The following SACS variants were observed in gnomAD, a reference collection of about 807,000 sequenced individuals.
SACS encodes the protein sacsin.
Under a neutral mutation model 348.0 loss-of-function variants are expected in SACS, and 197 were observed. That is an observed-to-expected ratio of 0.57 (90% CI 0.50 to 0.64). The LOEUF (loss-of-function observed/expected upper bound fraction) is 0.64. Ranked by LOEUF, SACS falls within the 30% of genes least tolerant of loss-of-function variation. The probability of loss-of-function intolerance (pLI) is 0.00; values close to 1 mark genes in which losing one functional copy is unlikely to be tolerated. For synonymous variants in SACS, 1,985 were observed against 1,910.6 expected (o/e 1.04, Z -1.02); for missense variants, 4,999 against 5,360.8 (o/e 0.93, Z 2.11).
chr13:23,415,195 C>A (rs1873650370), intron 1 of SACS, among the ~76,000 whole-genome samples: 1 of 152,020 alleles, frequency 6.6e-6, no homozygotes, highest in African/African-American at 2.4e-5. Flanking sequence ...CTATGCCTGG[C>A]TAATTTTTGT....
At chr13:23,379,560 A>G (rs983555208) in intron 2 of SACS, among the ~76,000 whole-genome samples, 7 of 151,618 alleles carry the variant, frequency 4.6e-5, no homozygotes, top group African/African-American at 1.5e-4. Flanking sequence ...CTTCACCTCA[A>G]CCTCACCTCC....
At chr13:23,409,040 C>CTTTTTTTTTTTTATTTTTTTTTTTTT (rs1873360689) in intron 2 of SACS, among the ~76,000 whole-genome samples, 1 of 35,122 alleles carries the variant, frequency 2.8e-5, no homozygotes, top group Non-Finnish European at 4.9e-5. Flanking sequence ...ACAAGTTTTA[C>CTTTTTTTTTTTTATTTTTTTTTTTTT]TTTTTTTTTT....
Position 23,411,443 on chromosome 13 carries a change from C to CT in SACS, c.-205dup. 1 of 613,206 alleles carries CT rather than the reference C, an allele frequency of 1.6e-6. No individual in the cohort carries two copies. Among genetic ancestry groups the CT allele is most frequent in the South Asian group, 2.0e-5 (1 of 50,012 alleles). The allele number at this position is 613,206 out of a possible 1,614,324, so 38.0% of individuals were successfully genotyped here. On this transcript the variant is annotated 5_prime_UTR_variant, in exon 2 of 10. Transcript: ENST00000382292. ...ATTGTCGTGTGTTGCATTTGTATTC[C>CT]TTAAAGTATGACTCTCCAGTCTGAT... is the stretch of plus-strand genomic sequence containing the variant.
chr13:23,381,248 TGCTCATCA>T (rs1872040766), intron 2 of SACS, among the ~76,000 whole-genome samples: 1 of 152,082 alleles, frequency 6.6e-6, no homozygotes, highest in Admixed American at 6.6e-5. Context: ...TCATGCGCAG[TGCTCATCA>T]GGGCCCAGTG....
At chr13:23,405,640 T>A (rs1873172443) in intron 2 of SACS, among the ~76,000 whole-genome samples, 1 of 151,314 alleles carries the variant, frequency 6.6e-6, no homozygotes, top group South Asian at 2.1e-4. Flanking sequence ...TTGCAATCTA[T>A]CCATCTGACA....
chr13:23,394,605 G>A (rs1291244313), intron 2 of SACS, among the ~76,000 whole-genome samples: 1 of 152,222 alleles, frequency 6.6e-6, no homozygotes, highest in Non-Finnish European at 1.5e-5. Context: ...TATAATCCCA[G>A]CACTTTGGGA....
rs1868717595 is a variant in SACS, at chr13:23,337,293, T to C, written c.6583A>G (p.Lys2195Glu). 1 of 1,613,694 alleles carries C rather than the reference T, an allele frequency of 6.2e-7. No homozygotes were observed. Among genetic ancestry groups the C allele is most frequent in the South Asian group, 1.1e-5 (1 of 91,078 alleles). The change falls in exon 10 of 10, where the codon AAA becomes GAA. Residue 2195 changes from lysine (K) to glutamate (E), a missense_variant. By Grantham distance (56) the Lys-to-Glu change is moderately conservative. This residue lies in a region of SACS where 3,156 missense variants were observed against 3,380.1 expected (regional missense o/e 0.93). Coordinates refer to ENST00000382292, the MANE Select transcript of SACS (RefSeq NM_014363.6). ...SSILLSLIDE[K>E]LKIRDPRAKD... is the part of the protein sequence containing the mutation. ...GCTCTAGGATCCCTTATTTTTAGTT[T>C]CTCATCGATAAGACTCAATAAGATA... is the stretch of plus-strand genomic sequence containing the variant.
Position 23,368,469 on chromosome 13 carries a change from G to A in SACS, c.278C>T (p.Thr93Met), listed in dbSNP as rs777286357. 1.6e-5 allele frequency: 25 copies of A among 1,612,546 alleles called. No individual in the cohort carries two copies. Among genetic ancestry groups the A allele is most frequent in the South Asian group, 1.3e-4 (12 of 90,756 alleles). Reference protein sequence around the residue: ...LKGGGRFGQTTPPLVDFLKDI... With the variant: ...LKGGGRFGQTMPPLVDFLKDI... ...CTTGAGAAAATCAACAAGTGGTGGC[G>A]TTGTCTGACCAAATCGACCTAAAAT... The change falls in exon 5 of 10, where the codon ACG becomes ATG. Residue 93 changes from threonine to methionine, a missense_variant. Physicochemically the swap from Thr to Met is moderately conservative, Grantham distance 81. Around this residue, in one of 6 missense-constraint regions of SACS, gnomAD observed 3,156 missense variants for 3,380.1 expected, o/e 0.93. Transcript: ENST00000382292.
At chr13:23,407,208 A>T (rs979666016) in intron 2 of SACS, among the ~76,000 whole-genome samples, 9 of 151,920 alleles carry the variant, frequency 5.9e-5, no homozygotes, top group Non-Finnish European at 1.2e-4. Context: ...TTATTTATTT[A>T]TTTTTTTCAA....
In SACS at chr13:23,407,961, G is replaced by A. The variant is rs141869501; in HGVS notation, c.20+3259C>T. On this transcript the variant is annotated intron_variant, in intron 2 of 9. Coordinates refer to ENST00000382292, the MANE Select transcript of SACS (RefSeq NM_014363.6). ...TTCCCCCTTAGTAATTTTCCATGCA[G>A]TGACCCCTCACACTGCACATTGGCT... is the stretch of plus-strand genomic sequence containing the variant. Among the ~76,000 whole-genome samples, 512 of 152,226 alleles carry A rather than the reference G, an allele frequency of 3.4e-3. 7 individuals are homozygous for A. Among genetic ancestry groups the A allele is most frequent in the African/African-American group, 0.012 (491 of 41,534 alleles).
chr13:23,337,609 C>T lies in SACS; in HGVS notation c.6267G>A (p.Ser2089=), dbSNP rs9550956. The part of the protein sequence containing the change: ...FVLNEKVDEF[S]GVLRVTPCIP... Reference sequence around the variant, plus strand: ...TACATGGAGTAACACGAAGAACTCCCGAGAACTCATCAACTTTTTCATTTA... The same window carrying T: ...TACATGGAGTAACACGAAGAACTCCTGAGAACTCATCAACTTTTTCATTTA... The change falls in exon 10 of 10, where the codon TCG becomes TCA. Residue 2089 remains serine (S), a synonymous_variant. Transcript: ENST00000382292. 0.014 allele frequency: 22,337 copies of T among 1,613,724 alleles called. 2,094 individuals carry two copies. The East Asian group carries it at 0.24, about 18-fold the overall frequency.
intron 9 of SACS, among the ~76,000 whole-genome samples, chr13:23,342,349 A>C (rs2137650137): frequency 6.6e-6 from 1 of 152,324 alleles, no homozygotes; most frequent in African/African-American, 2.4e-5. Context: ...ATTTGCCCAC[A>C]AATAAAAACA....
intron 1 of SACS, among the ~76,000 whole-genome samples, chr13:23,425,105 T>C (rs550432983): frequency 4.8e-4 from 73 of 151,948 alleles, no homozygotes; most frequent in Admixed American, 1.3e-3. Flanking sequence ...GACACTGGTG[T>C]CCACTTGGGG....
In SACS at chr13:23,421,742, C is replaced by T. The variant is rs182809588; in HGVS notation, c.-501-10002G>A. Among the ~76,000 whole-genome samples, 703 of 151,912 alleles carry T rather than the reference C, an allele frequency of 4.6e-3. 23 individuals are homozygous for T. The highest frequency in any genetic ancestry group is 0.042 in the Admixed American group (640 of 15,252). On this transcript the variant is annotated intron_variant, in intron 1 of 9. Transcript: ENST00000382292. ...CCTGCGGCCTGATGTCCACTGGGAACTGGATGTTGCCCTGGGGTCAGGGTA... is the reference window on the plus strand; with the variant it reads ...CCTGCGGCCTGATGTCCACTGGGAATTGGATGTTGCCCTGGGGTCAGGGTA...
intron 4 of SACS, among the ~76,000 whole-genome samples, chr13:23,369,861 CTT>C (rs879508762): frequency 9.5e-5 from 13 of 136,140 alleles, no homozygotes; most frequent in Non-Finnish European, 1.4e-4. Flanking sequence ...ACTCACACTT[CTT>C]TTTTTTTTTT....
intron 1 of SACS, among the ~76,000 whole-genome samples, chr13:23,429,443 A>G (rs1874341632): frequency 7.2e-6 from 1 of 138,882 alleles, no homozygotes; most frequent in African/African-American, 2.7e-5. Context: ...GCTCACTGCA[A>G]GCTCCGCCTC....
At position 23,330,901 on chromosome 13, in the gene SACS, T is replaced by C. The variant is rs1883424394; in HGVS notation, c.12975A>G (p.Arg4325=). 2.5e-6 allele frequency: 4 copies of C among 1,614,154 alleles called. No individual in the cohort carries two copies. Among genetic ancestry groups the C allele is most frequent in the Non-Finnish European group, 3.4e-6 (4 of 1,180,022 alleles). ...EQAWKLPESE[R]KKIIRRLYLK... is the part of the protein sequence containing the mutation. ...AATACAACCGCCTAATAATCTTTTT[T>C]CGTTCCGATTCTGGAAGCTTCCATG... Residue 4325 remains arginine, a synonymous_variant, in exon 10 of 10, where the codon CGA becomes CGG. Transcript: ENST00000382292.
intron 1 of SACS, among the ~76,000 whole-genome samples, chr13:23,419,822 T>TG (rs1173172255): frequency 1.6e-4 from 25 of 152,186 alleles, no homozygotes; most frequent in Admixed American, 1.6e-3. Flanking sequence ...ATATATTCTT[T>TG]GGGGAGGTGA....
chr13:23,421,390 G>A (rs1873933517), intron 1 of SACS, among the ~76,000 whole-genome samples: 1 of 152,044 alleles, frequency 6.6e-6, no homozygotes, highest in African/African-American at 2.4e-5. Flanking sequence ...GCCGTCCCAT[G>A]AGGATTGACA....
Sources: gnomAD v4.1 joint callset for allele counts (sites outside exome capture counted in the v4.1 genomes callset) on GRCh38, gnomAD v4.1.1 for gene constraint, gnomAD v4.1.1 regional missense constraint, MANE v1.5 for transcripts, NCBI Gene and HGNC (gene_info 2026-07-23, HGNC 2026-07-21) for gene names.